Variants in CNTN4 observed in about 807,000 individuals in gnomAD.
CNTN4 encodes the protein contactin-4.
A neutral mutation model predicts 122.5 loss-of-function variants in CNTN4; 77 were observed. That is an observed-to-expected ratio of 0.63 (90% confidence interval 0.52 to 0.76). The LOEUF is 0.76. Among genes scored for constraint, CNTN4 ranks in the 30% least tolerant of loss-of-function variants. The pLI, the probability that CNTN4 is intolerant of heterozygous loss-of-function variation, is 0.00. For synonymous variants in CNTN4, 512 were observed against 447.0 expected, an observed-to-expected ratio of 1.15 and a Z score of -1.83; for missense variants, 1,256 against 1,259.1, an observed-to-expected ratio of 1.00 and a Z score of 0.04.
intron 3 of CNTN4, among the ~76,000 whole-genome samples, chr3:2,418,834 A>C (rs561294030): frequency 2.6e-5 from 4 of 152,268 alleles, no homozygotes; most frequent in African/African-American, 9.6e-5. Context: ...GAAGGGAATA[A>C]TTTACAGTTC....
rs1157985582 is a variant in CNTN4, at chr3:3,043,256, A to G, written c.2698+93A>G. ...CCCACCTCCCAATGATCATTTGCAT[A>G]CTAATTAGTAGCATGTGGATTCAAA... On this transcript the variant is annotated intron_variant, in intron 22 of 24. Coordinates refer to ENST00000418658, the MANE Select transcript of CNTN4 (RefSeq NM_175607.3). 4.2e-6 allele frequency: 5 copies of G among 1,189,784 alleles called. No individual in the cohort carries two copies. In the African/African-American group the frequency reaches 4.5e-5, roughly 11 times the overall value. The allele number at this position is 1,189,784 out of a possible 1,614,324, so 73.7% of individuals were successfully genotyped here.
At chr3:2,243,539 A>C (rs1311398939) in intron 2 of CNTN4, among the ~76,000 whole-genome samples, 1 of 151,986 alleles carries the variant, frequency 6.6e-6, no homozygotes, top group Non-Finnish European at 1.5e-5. Flanking sequence ...CTCACCAGCT[A>C]TCATTAGTGT....
At chr3:2,745,311 A>G (rs933345639) in intron 5 of CNTN4, among the ~76,000 whole-genome samples, 1 of 152,326 alleles carries the variant, frequency 6.6e-6, no homozygotes, top group Admixed American at 6.5e-5. Context: ...AAATTTTAAT[A>G]TCATTGTTTA....
At chr3:2,318,125 C>T (rs527976817) in intron 2 of CNTN4, among the ~76,000 whole-genome samples, 1 of 151,360 alleles carries the variant, frequency 6.6e-6, no homozygotes, top group South Asian at 2.1e-4. Flanking sequence ...GGCAGCAGGA[C>T]TGCTTGGGCC....
At chr3:2,586,658 G>A (rs954578977) in intron 4 of CNTN4, among the ~76,000 whole-genome samples, 4 of 152,176 alleles carry the variant, frequency 2.6e-5, no homozygotes, top group Admixed American at 2.0e-4. Context: ...CTGTCCCAGT[G>A]CCTCTTCAGT....
intron 4 of CNTN4, among the ~76,000 whole-genome samples, chr3:2,697,048 A>G (rs1450830202): frequency 6.6e-6 from 1 of 152,196 alleles, no homozygotes; most frequent in Non-Finnish European, 1.5e-5. Context: ...CACCCTGCCT[A>G]TTCTATGGTG....
intron 4 of CNTN4, among the ~76,000 whole-genome samples, chr3:2,628,479 A>G (rs374211804): frequency 6.6e-6 from 1 of 152,164 alleles, no homozygotes; most frequent in African/African-American, 2.4e-5. Flanking sequence ...AATATTTTCT[A>G]CTCTCGATAG....
intron 2 of CNTN4, among the ~76,000 whole-genome samples, chr3:2,326,484 T>TTA (rs1409856251): frequency 3.8e-5 from 3 of 78,130 alleles, no homozygotes; most frequent in Non-Finnish European, 7.7e-5. Context: ...TCTAATAAAT[T>TTA]TACACACACA....
At chr3:2,425,189 T>C (rs1559541025) in intron 3 of CNTN4, among the ~76,000 whole-genome samples, 1 of 152,194 alleles carries the variant, frequency 6.6e-6, no homozygotes, top group Non-Finnish European at 1.5e-5. Context: ...TCTTCTAGGG[T>C]TCTTATGGTT....
At position 2,693,332 on chromosome 3, in the gene CNTN4, C is replaced by T. The variant is rs118072732; in HGVS notation, c.56-42883C>T. On this transcript the variant is annotated intron_variant, in intron 4 of 24. Coordinates refer to ENST00000418658, the MANE Select transcript of CNTN4 (RefSeq NM_175607.3). Reference sequence around the variant, plus strand: ...ACAGAGTTATCACAAAAATCTCCTCCGGTCCCTGTTAAGTCTTAGTTGCTT... The same window carrying T: ...ACAGAGTTATCACAAAAATCTCCTCTGGTCCCTGTTAAGTCTTAGTTGCTT... 1.3e-3 allele frequency among the ~76,000 whole-genome samples: 192 copies of T among 152,176 alleles called. 2 individuals are homozygous for T. In the East Asian group the frequency reaches 0.031, roughly 25 times the overall value.
rs559846999 is a variant in CNTN4, at chr3:2,628,699, A to G, written c.55+57141A>G. On this transcript the variant is annotated intron_variant, in intron 4 of 24. Coordinates refer to ENST00000418658, the MANE Select transcript of CNTN4 (RefSeq NM_175607.3). Reference sequence around the variant, plus strand: ...TCTGAATCTCCAAAATCAGTTGAACATCCTTCAACCAGTAGTTCCGTGTCT... The same window carrying G: ...TCTGAATCTCCAAAATCAGTTGAACGTCCTTCAACCAGTAGTTCCGTGTCT... Among the ~76,000 whole-genome samples, 10 of 152,338 alleles carry G rather than the reference A, an allele frequency of 6.6e-5. No homozygotes were observed. In the East Asian group the frequency reaches 1.4e-3, roughly 21 times the overall value.
intron 3 of CNTN4, among the ~76,000 whole-genome samples, chr3:2,417,646 G>A (rs560492472): frequency 6.6e-6 from 1 of 152,278 alleles, no homozygotes; most frequent in Admixed American, 6.5e-5. Context: ...ACCCGAAGGA[G>A]GTGAAAACTT....
At chr3:2,993,001 T>C (rs4055812) in intron 14 of CNTN4, among the ~76,000 whole-genome samples, 14,808 of 151,530 alleles carry the variant, frequency 0.098, 1,379 homozygotes, top group African/African-American at 0.24. Flanking sequence ...TTGATCCTTA[T>C]ACACATCAGA....
chr3:2,774,650 G>C (rs1395437659), intron 6 of CNTN4, among the ~76,000 whole-genome samples: 2 of 152,088 alleles, frequency 1.3e-5, no homozygotes, highest in African/African-American at 4.8e-5. Flanking sequence ...AGACCTAGCA[G>C]GATGGGACAG....
intron 6 of CNTN4, among the ~76,000 whole-genome samples, chr3:2,813,553 T>A (rs1048428447): frequency 8.5e-5 from 13 of 152,226 alleles, no homozygotes; most frequent in Non-Finnish European, 1.6e-4. Context: ...TAACCTTTCC[T>A]GGCCATTTTA....
At chr3:2,590,906 G>T (rs1365968854) in intron 4 of CNTN4, among the ~76,000 whole-genome samples, 1 of 151,714 alleles carries the variant, frequency 6.6e-6, no homozygotes, top group African/African-American at 2.4e-5. Flanking sequence ...TAATTGACAT[G>T]CAATAAACTA....
intron 3 of CNTN4, among the ~76,000 whole-genome samples, chr3:2,404,978 AG>A (rs2046981592): frequency 6.6e-6 from 1 of 152,190 alleles, no homozygotes; most frequent in Admixed American, 6.5e-5. Context: ...TCAGATACAC[AG>A]GGAGTATAAT....
intron 6 of CNTN4, among the ~76,000 whole-genome samples, chr3:2,777,492 A>T (rs992830876): frequency 6.6e-6 from 1 of 152,226 alleles, no homozygotes; most frequent in Non-Finnish European, 1.5e-5. Context: ...TTACCCATCC[A>T]ACATCAGGTC....
intron 2 of CNTN4, among the ~76,000 whole-genome samples, chr3:2,298,973 G>A (rs977697909): frequency 6.6e-6 from 1 of 151,418 alleles, no homozygotes; most frequent in Admixed American, 6.6e-5. Context: ...TCTTCTTTTA[G>A]CCATTTCTTC....
Sources: allele counts gnomAD v4.1 joint callset (sites outside exome capture counted in the v4.1 genomes callset), GRCh38; gene constraint gnomAD v4.1.1; transcripts MANE v1.5; gene names NCBI Gene and HGNC (gene_info 2026-07-23, HGNC 2026-07-21).